The following ITGA9 variants were observed in gnomAD, a reference collection of about 807,000 sequenced individuals.
ITGA9 encodes the protein integrin alpha-9.
ITGA9 carries 56 observed loss-of-function variants against 127.8 expected under a neutral mutation model. The observed-to-expected ratio is 0.44, with a 90% CI of 0.35 to 0.55. The LOEUF (loss-of-function observed/expected upper bound fraction) is 0.55. Among genes scored for constraint, ITGA9 ranks in the 20% least tolerant of loss-of-function variants. The pLI is 0.00. For synonymous variants in ITGA9, 508 were observed against 514.5 expected, an observed-to-expected ratio of 0.99 and a Z score of 0.17; for missense variants, 1,196 against 1,347.1, an observed-to-expected ratio of 0.89 and a Z score of 1.76.
At chr3:37,672,326 T>A (rs1205246470) in intron 17 of ITGA9, among the ~76,000 whole-genome samples, 1 of 152,176 alleles carries the variant, frequency 6.6e-6, no homozygotes, top group Non-Finnish European at 1.5e-5. Context: ...TGTGTTGTTC[T>A]TGTAATAGTG....
intron 18 of ITGA9, among the ~76,000 whole-genome samples, chr3:37,721,214 T>A (rs550606081): frequency 1.1e-3 from 166 of 149,904 alleles, no homozygotes; most frequent in African/African-American, 3.8e-3. Flanking sequence ...CTTCAATTCC[T>A]GGGCCTGTGA....
rs565790715 is a variant in ITGA9 at position 37,558,686 on chromosome 3, G to A, written c.1689+16101G>A. 4.6e-5 allele frequency among the ~76,000 whole-genome samples: 7 copies of A among 152,290 alleles called. No homozygotes were observed. The East Asian group carries it at 7.7e-4, about 17-fold the overall frequency. ...CTGGGCCCGGGGCAGATGGAGACTC[G>A]TAAGCCATAACCGCTGCCTCCCAGG... On this transcript the variant is annotated intron_variant, in intron 15 of 27. Transcript: ENST00000264741.
At position 37,494,502 on chromosome 3, in the gene ITGA9, G is replaced by A. The variant is rs1698706790; in HGVS notation, c.546G>A (p.Glu182=). ...TTCTCTCTCCTTCCTTCCCCCTAGA[G>A]TATAAGAAGAAGTACGGAGAGGAAC... ...KGRTLIPCYE[E]YKKKYGEEHG... Residue 182 remains glutamate (E), a splice_region_variant and synonymous_variant, in exon 5 of 28, where the codon GAG becomes GAA. Transcript: ENST00000264741. The A allele has an allele frequency of 1.2e-6, 2 of 1,610,370 alleles. No individual in the cohort carries two copies. The highest frequency in any genetic ancestry group is 1.1e-5 in the South Asian group (1 of 90,908).
At chr3:37,782,104 G>A (rs1016807446) in intron 25 of ITGA9, among the ~76,000 whole-genome samples, 1 of 152,260 alleles carries the variant, frequency 6.6e-6, no homozygotes, top group Non-Finnish European at 1.5e-5. Flanking sequence ...GTCTGGAGAA[G>A]TACCTTCCTG....
rs1413684974 is a variant in ITGA9 at position 37,820,268 on chromosome 3, C to A, written c.*1279C>A. 6.6e-6 allele frequency: 1 copy of A among 152,212 alleles called. No homozygotes were observed. Among genetic ancestry groups the A allele is most frequent in the East Asian group, 1.9e-4 (1 of 5,192 alleles). The allele number at this position is 152,212 out of a possible 1,614,324, so 9.4% of individuals were successfully genotyped here. A position where few individuals can be genotyped will look rare whatever the true frequency, so the allele number is the denominator to read the frequency against. ...GAACTCCGGAGGAAAAGTTAGGCCT[C>A]AGAGGTGTCCCAACCTGAATCAAGG... On this transcript the variant is annotated 3_prime_UTR_variant, in exon 28 of 28. Coordinates refer to ENST00000264741, the MANE Select transcript of ITGA9 (RefSeq NM_002207.3).
chr3:37,533,750 T>C (rs1293979782), intron 14 of ITGA9, among the ~76,000 whole-genome samples: 1 of 152,092 alleles, frequency 6.6e-6, no homozygotes, highest in Non-Finnish European at 1.5e-5. Flanking sequence ...GGACCACAGG[T>C]CCTATGGGAC....
At chr3:37,531,199 G>A (rs2434130) in intron 13 of ITGA9, among the ~76,000 whole-genome samples, 88,881 of 151,876 alleles carry the variant, frequency 0.59, 26,456 homozygotes, top group East Asian at 0.82. Flanking sequence ...TGGCTGGCCC[G>A]CTCTGCCCTC....
chr3:37,605,916 C>T (rs1259791348), intron 15 of ITGA9, among the ~76,000 whole-genome samples: 1 of 152,008 alleles, frequency 6.6e-6, no homozygotes, highest in Non-Finnish European at 1.5e-5. Context: ...CTCTGTTCTC[C>T]ATCTGTAGGT....
chr3:37,626,160 T>G (rs1317363386), intron 15 of ITGA9, among the ~76,000 whole-genome samples: 3 of 152,250 alleles, frequency 2.0e-5, no homozygotes, highest in Non-Finnish European at 4.4e-5. Context: ...TCCTTGTGTG[T>G]GAAACATTTT....
intron 21 of ITGA9, among the ~76,000 whole-genome samples, chr3:37,742,602 A>G (rs531245455): frequency 3.3e-5 from 5 of 152,362 alleles, no homozygotes; most frequent in African/African-American, 1.2e-4. Flanking sequence ...AGTTTAGATC[A>G]GGTGAGGACC....
intron 8 of ITGA9, among the ~76,000 whole-genome samples, chr3:37,512,692 T>A (rs1434540886): frequency 6.6e-6 from 1 of 152,152 alleles, no homozygotes; most frequent in African/African-American, 2.4e-5. Context: ...TGGCTTCTTT[T>A]GGAAAATGGA....
intron 5 of ITGA9, 112 bp downstream of exon 5, chr3:37,494,680 C>G (rs1335915407): frequency 2.3e-6 from 2 of 854,412 alleles, no homozygotes; most frequent in Non-Finnish European, 3.9e-6. Context: ...GATACTTGAG[C>G]CTCGAGGGAG....
rs960884969 is a variant in ITGA9 at position 37,514,503 on chromosome 3, G to A, written c.1035+603G>A. On this transcript the variant is annotated intron_variant, in intron 9 of 27. Transcript: ENST00000264741. ...CAGAGCTGGGCAAGTGGGTTGGGGT[G>A]TGAGGTGGCATCACCACTCATTTCA... Among the ~76,000 whole-genome samples, 24 of 152,194 alleles carry A rather than the reference G, an allele frequency of 1.6e-4. 1 individual carries two copies. The highest frequency in any genetic ancestry group is 5.5e-4 in the African/African-American group (23 of 41,448).
chr3:37,711,409 C>T (rs907710389), intron 18 of ITGA9, among the ~76,000 whole-genome samples: 2 of 152,198 alleles, frequency 1.3e-5, no homozygotes, highest in African/African-American at 4.8e-5. Flanking sequence ...ATCACTTCTG[C>T]CACATTCTGT....
At chr3:37,784,480 T>C (rs889922347) in intron 25 of ITGA9, among the ~76,000 whole-genome samples, 2 of 152,160 alleles carry the variant, frequency 1.3e-5, no homozygotes, top group South Asian at 4.1e-4. Flanking sequence ...TGTTTAATGG[T>C]TTTGATTCCA....
rs536749805 is a variant in ITGA9 at position 37,535,887 on chromosome 3, G to C, written c.1528+2419G>C. Among the ~76,000 whole-genome samples, 3 of 152,332 alleles carry C rather than the reference G, an allele frequency of 2.0e-5. No individual in the cohort carries two copies. The South Asian group carries it at 6.2e-4, about 32-fold the overall frequency. On this transcript the variant is annotated intron_variant, in intron 14 of 27. Coordinates refer to ENST00000264741, the MANE Select transcript of ITGA9 (RefSeq NM_002207.3). ...CATATCTCAATCTTTGCAGTAGAAA[G>C]AGAAATGTAGAAATCTGCCAGAAAA... is the stretch of plus-strand genomic sequence containing the variant.
At chr3:37,699,371 TC>T (rs1008579814) in intron 18 of ITGA9, among the ~76,000 whole-genome samples, 4 of 152,168 alleles carry the variant, frequency 2.6e-5, no homozygotes, top group African/African-American at 9.7e-5. Context: ...TGACACCTGT[TC>T]CATTTGTAGG....
At chr3:37,768,614 G>C (rs1007694493) in intron 23 of ITGA9, among the ~76,000 whole-genome samples, 1 of 152,128 alleles carries the variant, frequency 6.6e-6, no homozygotes, top group South Asian at 2.1e-4. Flanking sequence ...CGTCAGCTGC[G>C]ATTGGTGTAA....
chr3:37,631,871 C>G (rs1700232755), intron 16 of ITGA9, among the ~76,000 whole-genome samples: 1 of 152,204 alleles, frequency 6.6e-6, no homozygotes, highest in African/African-American at 2.4e-5. Context: ...TAGCAAGCAG[C>G]CAGGCATCGC....
Sources: gnomAD v4.1 joint callset for allele counts (sites outside exome capture counted in the v4.1 genomes callset) on GRCh38, gnomAD v4.1.1 for gene constraint, MANE v1.5 for transcripts, NCBI Gene and HGNC (gene_info 2026-07-23, HGNC 2026-07-21) for gene names.